IL12RB2: variants seen among roughly 807,000 people sequenced by gnomAD.
The protein encoded by IL12RB2 is interleukin-12 receptor subunit beta-2.
IL12RB2 carries 82 observed loss-of-function variants against 89.4 expected under a neutral mutation model. The ratio of observed to expected loss-of-function variants is 0.92; its 90% CI spans 0.77 to 1.10. The LOEUF is 1.10. Ranked by LOEUF, IL12RB2 falls within the 50% of genes least tolerant of loss-of-function variation. The probability of loss-of-function intolerance (pLI) is 0.00; values close to 1 mark genes in which losing one functional copy is unlikely to be tolerated. For missense variants in IL12RB2, 963 were observed against 1,031.9 expected, an observed-to-expected ratio of 0.93 and a Z score of 0.92; for synonymous variants, 368 against 370.1, an observed-to-expected ratio of 0.99 and a Z score of 0.07.
intron 1 of IL12RB2, 62 bp downstream of exon 1, chr1:67,308,029 G>T (rs1425177043): frequency 6.6e-6 from 1 of 152,102 alleles, no homozygotes; most frequent in Non-Finnish European, 1.5e-5. Flanking sequence ...GACCAGCGGG[G>T]TGTCTGCGTG....
chr1:67,322,834 A>T (rs1373103363), intron 4 of IL12RB2, among the ~76,000 whole-genome samples: 2 of 152,194 alleles, frequency 1.3e-5, no homozygotes, highest in African/African-American at 2.4e-5. Flanking sequence ...AGTGCACAGG[A>T]TGAACCAGCA....
intron 8 of IL12RB2, among the ~76,000 whole-genome samples, chr1:67,334,439 T>C (rs948380396): frequency 3.9e-5 from 6 of 152,180 alleles, no homozygotes; most frequent in Non-Finnish European, 7.3e-5. Context: ...TATGCTGAAA[T>C]TGGAATTTTA....
At chr1:67,363,841 A>C (rs1001524002) in intron 10 of IL12RB2, among the ~76,000 whole-genome samples, 2 of 152,250 alleles carry the variant, frequency 1.3e-5, no homozygotes, top group South Asian at 2.1e-4. Context: ...TGATATGCTA[A>C]AAAGGGCAGA....
intron 2 of IL12RB2, among the ~76,000 whole-genome samples, chr1:67,319,973 C>T (rs1343444542): frequency 6.6e-6 from 1 of 152,170 alleles, no homozygotes; most frequent in Non-Finnish European, 1.5e-5. Flanking sequence ...TCACCAGACC[C>T]TGAATCTGCT....
At chr1:67,324,223 C>T (rs566357349) in intron 4 of IL12RB2, among the ~76,000 whole-genome samples, 3 of 152,088 alleles carry the variant, frequency 2.0e-5, no homozygotes, top group South Asian at 4.1e-4. Context: ...AAGAGACTTT[C>T]GTTTGTTTGT....
chr1:67,367,885 C>T lies in IL12RB2; in HGVS notation c.1319C>T (p.Thr440Ile), dbSNP rs1397035866. ...GAGGGCATGGACAACATTCTGGTGACTTGGCAGCCTCCCAGGAAAGATCCC... is the reference window on the plus strand; with the variant it reads ...GAGGGCATGGACAACATTCTGGTGATTTGGCAGCCTCCCAGGAAAGATCCC... ...NSEGMDNILV[T>I]WQPPRKDPSA... Residue 440 changes from threonine to isoleucine, a missense_variant, in exon 11 of 17, where the codon ACT (threonine) becomes ATT (isoleucine). Thr to Ile is a moderately conservative substitution (Grantham distance 89, BLOSUM62 -1). Coordinates refer to ENST00000674203, the MANE Select transcript of IL12RB2 (RefSeq NM_001374259.2). 2 of 1,609,430 alleles carry T rather than the reference C, an allele frequency of 1.2e-6. No homozygotes were observed. The highest frequency in any genetic ancestry group is 1.3e-5 in the African/African-American group (1 of 74,856).
chr1:67,361,614 A>G (rs1662050951), intron 10 of IL12RB2, among the ~76,000 whole-genome samples: 1 of 152,244 alleles, frequency 6.6e-6, no homozygotes, highest in Non-Finnish European at 1.5e-5. Context: ...CTGAAAAGCA[A>G]AGAGAACAAA....
Position 67,367,863 on chromosome 1 carries a change from G to A in IL12RB2, c.1297G>A (p.Gly433Ser). 6.2e-7 allele frequency: 1 copy of A among 1,608,608 alleles called. No individual in the cohort carries two copies. Among genetic ancestry groups the A allele is most frequent in the Non-Finnish European group, 8.5e-7 (1 of 1,175,062 alleles). Residue 433 changes from glycine (G) to serine (S), a missense_variant, in exon 11 of 17, where the codon GGC (glycine) becomes AGC (serine). By Grantham distance (56) the Gly-to-Ser change is moderately conservative. Transcript: ENST00000674203. The part of the protein sequence containing the change: ...APRQVSANSE[G>S]MDNILVTWQP... ...TCGCCAGGTCTCTGCAAACTCAGAG[G>A]GCATGGACAACATTCTGGTGACTTG...
intron 4 of IL12RB2, 92 bp downstream of exon 4, chr1:67,321,981 G>A: frequency 9.5e-7 from 1 of 1,057,282 alleles, no homozygotes; most frequent in Non-Finnish European, 1.5e-6. Flanking sequence ...CCCAAATACA[G>A]GTTAATGTTC....
At chr1:67,340,831 A>G (rs1659442937) in intron 9 of IL12RB2, among the ~76,000 whole-genome samples, 4 of 152,122 alleles carry the variant, frequency 2.6e-5, no homozygotes, top group African/African-American at 7.2e-5. Context: ...TTTTATTTCT[A>G]TCTTCACAAG....
At chr1:67,389,894 T>C in intron 15 of IL12RB2, 135 bp from the exon 16 acceptor site, 1 of 677,700 alleles carries the variant, frequency 1.5e-6, no homozygotes, top group Non-Finnish European at 2.7e-6. Flanking sequence ...TGATAAATCA[T>C]CTTTGTCTTT....
rs1039110009 is a variant in IL12RB2, at chr1:67,377,227, T to C, written c.1718-2759T>C. The stretch of plus-strand genomic sequence containing the variant: ...TTGAGGCAGATTCTTTGCTTTTGTA[T>C]TGTCAGTGCCTTGTCCAGTGTAGGC... On this transcript the variant is annotated intron_variant, in intron 13 of 16. Coordinates refer to ENST00000674203, the MANE Select transcript of IL12RB2 (RefSeq NM_001374259.2). Among the ~76,000 whole-genome samples the C allele has an allele frequency of 3.3e-5, 5 of 152,212 alleles. No homozygotes were observed. In the East Asian group the frequency reaches 5.8e-4, roughly 18 times the overall value.
chr1:67,390,163 G>A (rs201256143), intron 16 of IL12RB2, 35 bp downstream of exon 16: 26 of 887,914 alleles, frequency 2.9e-5, no homozygotes, highest in African/African-American at 2.9e-4. Flanking sequence ...AGTCAGTGGA[G>A]TTCTAGTGAT....
intron 8 of IL12RB2, among the ~76,000 whole-genome samples, chr1:67,334,954 TTTCTC>T (rs151258896): frequency 0.011 from 1,615 of 152,304 alleles, 22 homozygotes; most frequent in African/African-American, 0.037. Context: ...GAATGATTCT[TTTCTC>T]TTCTAAAGAG....
chr1:67,318,326 T>G (rs1656050420), intron 2 of IL12RB2, among the ~76,000 whole-genome samples: 1 of 152,212 alleles, frequency 6.6e-6, no homozygotes. Flanking sequence ...CGTTGAAGGG[T>G]TTCCAATAGT....
chr1:67,356,681 C>T (rs1661431042), intron 10 of IL12RB2, among the ~76,000 whole-genome samples: 1 of 152,136 alleles, frequency 6.6e-6, no homozygotes, highest in Non-Finnish European at 1.5e-5. Flanking sequence ...AAAAGCCCTC[C>T]TCTCTACCCT....
intron 2 of IL12RB2, among the ~76,000 whole-genome samples, chr1:67,318,701 G>C (rs958959042): frequency 2.0e-5 from 3 of 152,112 alleles, no homozygotes; most frequent in African/African-American, 7.2e-5. Context: ...AGGGTGCCAA[G>C]AATTTAAACT....
chr1:67,347,652 A>C (rs1057169546), intron 9 of IL12RB2, among the ~76,000 whole-genome samples: 36 of 152,224 alleles, frequency 2.4e-4, no homozygotes, highest in African/African-American at 8.2e-4. Context: ...CATTTCCCAC[A>C]GGTCAGAGCA....
intron 16 of IL12RB2, among the ~76,000 whole-genome samples, chr1:67,392,525 C>T (rs1026854598): frequency 5.3e-5 from 8 of 150,864 alleles, no homozygotes; most frequent in African/African-American, 1.9e-4. Flanking sequence ...CACTATGATA[C>T]ATATGAAATG....
Sources: allele counts gnomAD v4.1 joint callset (sites outside exome capture counted in the v4.1 genomes callset), GRCh38; gene constraint gnomAD v4.1.1; transcripts MANE v1.5; gene names NCBI Gene and HGNC (gene_info 2026-07-23, HGNC 2026-07-21).